PLXDC2: variants seen among roughly 807,000 people sequenced by gnomAD.
PLXDC2 encodes the protein plexin domain containing 2.
In PLXDC2, 40 loss-of-function variants were observed where a neutral mutation model predicts 68.9. The observed-to-expected ratio is 0.58, with a 90% CI of 0.45 to 0.76. The LOEUF is 0.76. Among genes scored for constraint, PLXDC2 ranks in the 30% least tolerant of loss-of-function variants. The probability of loss-of-function intolerance (pLI) is 0.00; values close to 1 mark genes in which losing one functional copy is unlikely to be tolerated. For synonymous variants in PLXDC2, 243 were observed against 234.2 expected (o/e 1.04, Z -0.34); for missense variants, 644 against 661.9 (o/e 0.97, Z 0.30).
At chr10:20,209,054 C>T (rs760359078) in intron 9 of PLXDC2, among the ~76,000 whole-genome samples, 10 of 151,982 alleles carry the variant, frequency 6.6e-5, no homozygotes, top group Admixed American at 3.3e-4. Context: ...GACCACAGGA[C>T]GGGGGCGAAA....
At chr10:19,931,207 A>G (rs1033219079) in intron 1 of PLXDC2, among the ~76,000 whole-genome samples, 4 of 152,204 alleles carry the variant, frequency 2.6e-5, no homozygotes, top group African/African-American at 9.7e-5. Context: ...TTCCTTTGTG[A>G]GCTGAACTTG....
intron 1 of PLXDC2, among the ~76,000 whole-genome samples, chr10:19,885,153 T>C (rs1837818191): frequency 6.6e-6 from 1 of 152,194 alleles, no homozygotes; most frequent in Non-Finnish European, 1.5e-5. Flanking sequence ...AATGTCTTCT[T>C]TTGAGAAGTG....
intron 2 of PLXDC2, among the ~76,000 whole-genome samples, chr10:20,014,216 C>T (rs28731482): frequency 2.1e-5 from 3 of 142,528 alleles, no homozygotes; most frequent in Admixed American, 1.4e-4. Flanking sequence ...TTCCTTCCTT[C>T]CTTCCCTCCT....
intron 1 of PLXDC2, among the ~76,000 whole-genome samples, chr10:19,871,757 G>T (rs1045655641): frequency 1.3e-5 from 2 of 151,828 alleles, no homozygotes; most frequent in African/African-American, 4.8e-5. Flanking sequence ...GTGGTGGTGG[G>T]TGCCTGTAAT....
chr10:19,951,769 G>A (rs921015480), intron 1 of PLXDC2, among the ~76,000 whole-genome samples: 1 of 152,148 alleles, frequency 6.6e-6, no homozygotes, highest in Non-Finnish European at 1.5e-5. Flanking sequence ...TGGGGGATTG[G>A]ATAAAGAAAA....
intron 2 of PLXDC2, among the ~76,000 whole-genome samples, chr10:20,026,563 A>G (rs1000955700): frequency 1.3e-5 from 2 of 152,122 alleles, no homozygotes; most frequent in African/African-American, 2.4e-5. Context: ...AAAATCTTCT[A>G]CAGATTCCAA....
chr10:19,932,845 C>T (rs1327879008), intron 1 of PLXDC2, among the ~76,000 whole-genome samples: 3 of 152,214 alleles, frequency 2.0e-5, no homozygotes, highest in South Asian at 2.1e-4. Context: ...GGTAGTATGT[C>T]GCCTTTGAGA....
chr10:19,896,333 T>C (rs578098188), intron 1 of PLXDC2, among the ~76,000 whole-genome samples: 149 of 152,344 alleles, frequency 9.8e-4, no homozygotes, highest in African/African-American at 3.5e-3. Flanking sequence ...ATTGCAAGAA[T>C]TGCAGTTCAG....
chr10:20,264,995 T>C (rs1482942758), intron 13 of PLXDC2, among the ~76,000 whole-genome samples: 2 of 152,186 alleles, frequency 1.3e-5, no homozygotes, highest in Non-Finnish European at 2.9e-5. Context: ...AAAAAAAGTT[T>C]TGTGCACTTA....
Position 20,281,073 on chromosome 10 carries a change from C to T in PLXDC2, c.*1254C>T, listed in dbSNP as rs985729187. The T allele has an allele frequency of 1.3e-5, 2 of 152,142 alleles. No homozygotes were observed. Among genetic ancestry groups the T allele is most frequent in the Admixed American group, 1.3e-4 (2 of 15,262 alleles). The allele number at this position is 152,142 out of a possible 1,614,324, so 9.4% of individuals were successfully genotyped here. On this transcript the variant is annotated 3_prime_UTR_variant, in exon 14 of 14. Coordinates refer to ENST00000377252, the MANE Select transcript of PLXDC2 (RefSeq NM_032812.9). ...TTAATATTAGAATATTTTTCTGTCA[C>T]TTAGCAAAAGTGGTTCAGTTCATTG...
chr10:19,858,304 C>T (rs550746109), intron 1 of PLXDC2, among the ~76,000 whole-genome samples: 6 of 152,272 alleles, frequency 3.9e-5, no homozygotes, highest in African/African-American at 4.8e-5. Flanking sequence ...TGCTGTCTCC[C>T]GCTTAACTGT....
chr10:20,103,697 G>A (rs935335864), intron 4 of PLXDC2, among the ~76,000 whole-genome samples: 2 of 149,644 alleles, frequency 1.3e-5, no homozygotes, highest in Non-Finnish European at 3.0e-5. Flanking sequence ...GCTGGAGTGC[G>A]GTGGCACGAT....
At chr10:20,137,449 T>A (rs1290053863) in intron 4 of PLXDC2, among the ~76,000 whole-genome samples, 1 of 152,214 alleles carries the variant, frequency 6.6e-6, no homozygotes, top group African/African-American at 2.4e-5. Flanking sequence ...TATGTCAATT[T>A]ACATCTCATT....
intron 1 of PLXDC2, among the ~76,000 whole-genome samples, chr10:19,990,114 G>A (rs921122079): frequency 1.2e-4 from 18 of 152,002 alleles, no homozygotes; most frequent in Middle Eastern, 3.4e-3. Context: ...TTTATACAAT[G>A]AAATTCATCA....
chr10:20,207,349 T>C (rs1279603757), intron 9 of PLXDC2, among the ~76,000 whole-genome samples: 1 of 152,220 alleles, frequency 6.6e-6, no homozygotes, highest in Non-Finnish European at 1.5e-5. Context: ...AATTTAATAA[T>C]TTAAAGGACT....
At chr10:20,210,508 C>T (rs1835054924) in intron 9 of PLXDC2, among the ~76,000 whole-genome samples, 1 of 152,076 alleles carries the variant, frequency 6.6e-6, no homozygotes, top group South Asian at 2.1e-4. Flanking sequence ...GAAAATTATT[C>T]CAGTCAAGGA....
At chr10:20,140,991 C>T (rs375796913) in intron 4 of PLXDC2, among the ~76,000 whole-genome samples, 153 of 151,210 alleles carry the variant, frequency 1.0e-3, no homozygotes, top group African/African-American at 3.6e-3. Context: ...TTGTAGCAAC[C>T]GTAATACTCA....
intron 1 of PLXDC2, among the ~76,000 whole-genome samples, chr10:19,902,514 T>C (rs561338490): frequency 1.3e-5 from 2 of 152,192 alleles, no homozygotes; most frequent in Non-Finnish European, 2.9e-5. Flanking sequence ...AGCTACTGAT[T>C]TGTATACATT....
chr10:20,097,487 C>T (rs747953318), intron 4 of PLXDC2, among the ~76,000 whole-genome samples: 6 of 152,128 alleles, frequency 3.9e-5, no homozygotes, highest in African/African-American at 7.2e-5. Flanking sequence ...GATCTTTTTC[C>T]CATTTCCTGA....
Sources: allele counts gnomAD v4.1 joint callset (sites outside exome capture counted in the v4.1 genomes callset), GRCh38; gene constraint gnomAD v4.1.1; transcripts MANE v1.5; gene names NCBI Gene and HGNC (gene_info 2026-07-23, HGNC 2026-07-21).